Variants in SLC2A5 observed in about 807,000 individuals in gnomAD.
The protein encoded by SLC2A5 is solute carrier family 2, facilitated glucose transporter member 5.
Under a neutral mutation model 50.3 loss-of-function variants are expected in SLC2A5, and 56 were observed. The observed-to-expected ratio is 1.11, with a 90% CI of 0.90 to 1.39. The LOEUF (loss-of-function observed/expected upper bound fraction) is 1.39. Ranked by LOEUF, SLC2A5 falls within the 40% of genes most tolerant of loss-of-function variation. The pLI is 0.00. For missense variants in SLC2A5, 566 were observed against 650.1 expected (o/e 0.87, Z 1.41); for synonymous variants, 269 against 281.9 (o/e 0.95, Z 0.46).
At chr1:9,078,214 T>A (rs747574088) in intron 2 of SLC2A5, among the ~76,000 whole-genome samples, 1 of 152,210 alleles carries the variant, frequency 6.6e-6, no homozygotes, top group East Asian at 1.9e-4. Flanking sequence ...AATTAGCATA[T>A]AATGACAGTG....
chr1:9,069,379 T>G, intron 1 of SLC2A5, 125 bp downstream of exon 1: 1 of 975,968 alleles, frequency 1.0e-6, no homozygotes, highest in Non-Finnish European at 1.6e-6. Context: ...CTCCCCACCA[T>G]AATCCCTCCC....
intron 3 of SLC2A5, among the ~76,000 whole-genome samples, chr1:9,056,345 C>T (rs1320283786): frequency 6.6e-6 from 1 of 152,000 alleles, no homozygotes; most frequent in African/African-American, 2.4e-5. Context: ...CCACCATGCC[C>T]GGCTAATTTT....
chr1:9,058,292 T>C (rs1185299770), intron 1 of SLC2A5, 42 bp from the exon 2 acceptor site: 11 of 1,358,038 alleles, frequency 8.1e-6, no homozygotes, highest in Non-Finnish European at 1.2e-5. Flanking sequence ...GCCCCAGGGT[T>C]CCAGGGCCCT....
At chr1:9,091,465 C>G (rs779658494), upstream of SLC2A5, among the ~76,000 whole-genome samples, 4 of 152,152 alleles carry the variant, frequency 2.6e-5, no homozygotes, top group Non-Finnish European at 4.4e-5. Flanking sequence ...CAAAAGCTCA[C>G]GTTCTATGAA....
chr1:9,038,308 C>T (rs1408606094), intron 10 of SLC2A5, 123 bp downstream of exon 10: 30 of 767,870 alleles, frequency 3.9e-5, no homozygotes, highest in East Asian at 1.3e-4. Flanking sequence ...TTGCGGTGGA[C>T]GGGGGAAGAG....
At chr1:9,054,321 T>C (rs1641699775) in intron 3 of SLC2A5, among the ~76,000 whole-genome samples, 1 of 152,186 alleles carries the variant, frequency 6.6e-6, no homozygotes, top group South Asian at 2.1e-4. Context: ...TAAGAAGACC[T>C]GAAGACAATG....
In SLC2A5 at chr1:9,041,924, G is replaced by A. The variant is rs554420489; in HGVS notation, c.432C>T (p.Asn144=). The change falls in exon 5 of 12, where the codon AAC becomes AAT. Residue 144 remains asparagine (N), a synonymous_variant. Coordinates refer to ENST00000377424, the MANE Select transcript of SLC2A5 (RefSeq NM_003039.3). ...GCTCCCCTAAGTACATGGGGACCAC[G>A]TTGGAAGATACACCTGGGAGGAGGT... ...LVGICAGVSS[N]VVPMYLGELA... 523 of 1,605,146 alleles carry A rather than the reference G, an allele frequency of 3.3e-4. 6 individuals are homozygous for A. The Middle Eastern group carries it at 5.5e-3, about 17-fold the overall frequency.
chr1:9,087,603 G>A (rs1298301750), intron 1 of SLC2A5, among the ~76,000 whole-genome samples: 1 of 151,916 alleles, frequency 6.6e-6, no homozygotes, highest in Non-Finnish European at 1.5e-5. Context: ...GGGCAGCAGC[G>A]GCCCTCATCC....
chr1:9,037,775 C>G lies in SLC2A5; in HGVS notation c.1317G>C (p.Pro439=). ...TCACGGCGAAGACAATGAAGCTGTA[C>G]GGGCCGAGGCCCTCCTGCGGGAAGA... is the stretch of plus-strand genomic sequence containing the variant. The part of the protein sequence containing the change: ...IFPFIQEGLG[P]YSFIVFAVIC... Residue 439 remains proline, a synonymous_variant, in exon 12 of 12, where the codon CCG becomes CCC. Transcript: ENST00000377424. 1 of 1,614,152 alleles carries G rather than the reference C, an allele frequency of 6.2e-7. No homozygotes were observed.
At chr1:9,071,729 G>A (rs1460026300), upstream of SLC2A5, 5 of 152,356 alleles carry the variant, frequency 3.3e-5, 1 homozygote, top group African/African-American at 1.2e-4. Flanking sequence ...ACCAACGCTC[G>A]ACCCGTGCTT....
chr1:9,079,362 C>T (rs1315479802), intron 2 of SLC2A5, among the ~76,000 whole-genome samples: 2 of 152,180 alleles, frequency 1.3e-5, no homozygotes, highest in Non-Finnish European at 2.9e-5. Context: ...ACAGGAAGGG[C>T]GTGCTCCTGG....
intron 1 of SLC2A5, among the ~76,000 whole-genome samples, chr1:9,058,765 GA>G (rs70985576): frequency 0.25 from 37,840 of 152,088 alleles, 5,431 homozygotes; most frequent in East Asian, 0.54. Context: ...AAATCAAAGA[GA>G]AAAAGAGAAA....
At chr1:9,038,684 G>T in intron 9 of SLC2A5, 144 bp downstream of exon 9, 1 of 1,333,662 alleles carries the variant, frequency 7.5e-7, no homozygotes. Context: ...AGGACACACG[G>T]TCCCCAGATG....
chr1:9,060,618 ACAC>A (rs1641912182), intron 1 of SLC2A5, among the ~76,000 whole-genome samples: 1 of 113,458 alleles, frequency 8.8e-6, no homozygotes, highest in African/African-American at 3.4e-5. Flanking sequence ...CACACCACAC[ACAC>A]CACACATACA....
At chr1:9,062,403 G>T (rs946453847) in intron 1 of SLC2A5, among the ~76,000 whole-genome samples, 3 of 152,194 alleles carry the variant, frequency 2.0e-5, no homozygotes, top group Non-Finnish European at 4.4e-5. Context: ...GGCAGGCGGA[G>T]CTCAGAACCT....
upstream of SLC2A5, among the ~76,000 whole-genome samples, chr1:9,070,072 G>GTTTTTTTTTTTTTTTTT (rs56828280): frequency 9.6e-5 from 6 of 62,544 alleles, 1 homozygote; most frequent in African/African-American, 5.3e-4. Flanking sequence ...CTCATTTTCT[G>GTTTTTTTTTTTTTTTTT]TTTTTTTTTT....
chr1:9,061,816 C>T (rs1009859284), intron 1 of SLC2A5, among the ~76,000 whole-genome samples: 6 of 152,136 alleles, frequency 3.9e-5, no homozygotes, highest in African/African-American at 1.4e-4. Flanking sequence ...GTTCCCAGGG[C>T]TCATGCCCCA....
At chr1:9,091,381 A>G (rs1045614513), upstream of SLC2A5, among the ~76,000 whole-genome samples, 7 of 152,180 alleles carry the variant, frequency 4.6e-5, no homozygotes, top group Admixed American at 6.5e-5. Context: ...ATATTTTTCC[A>G]AACAACTGGA....
At chr1:9,087,798 G>A (rs1316397574) in intron 1 of SLC2A5, among the ~76,000 whole-genome samples, 7 of 152,102 alleles carry the variant, frequency 4.6e-5, no homozygotes, top group Middle Eastern at 3.2e-3. Context: ...CCAACTGCCC[G>A]CAACAGGTAT....
Sources: allele counts gnomAD v4.1 joint callset (sites outside exome capture counted in the v4.1 genomes callset), GRCh38; gene constraint gnomAD v4.1.1; transcripts MANE v1.5; gene names NCBI Gene and HGNC (gene_info 2026-07-23, HGNC 2026-07-21).